Variants in RNF149 observed in about 807,000 individuals in gnomAD.
RNF149 encodes E3 ubiquitin-protein ligase RNF149.
Under a neutral mutation model 39.0 loss-of-function variants are expected in RNF149, and 21 were observed. That is an observed-to-expected ratio of 0.54 (90% CI 0.38 to 0.77). The LOEUF (loss-of-function observed/expected upper bound fraction) is 0.77. Among genes scored for constraint, RNF149 ranks in the 30% least tolerant of loss-of-function variants. The probability of loss-of-function intolerance (pLI) is 0.00; values close to 1 mark genes in which losing one functional copy is unlikely to be tolerated. For synonymous variants in RNF149, 209 were observed against 213.6 expected (o/e 0.98, Z 0.19); for missense variants, 493 against 534.9 (o/e 0.92, Z 0.77).
At chr2:101,293,958 A>G (rs770461628) in intron 3 of RNF149, 56 bp downstream of exon 3, 2 of 994,360 alleles carry the variant, frequency 2.0e-6, no homozygotes, top group Non-Finnish European at 3.1e-6. Context: ...ATAAACACGT[A>G]CAGCATATTC....
At chr2:101,292,322 C>G (rs533530602) in intron 3 of RNF149, among the ~76,000 whole-genome samples, 33 of 152,102 alleles carry the variant, frequency 2.2e-4, no homozygotes, top group Admixed American at 7.2e-4. Context: ...TTTTTTCAAC[C>G]ATTATTTTGA....
At position 101,295,018 on chromosome 2, in the gene RNF149, G is replaced by A. The variant is rs144357772; in HGVS notation, c.624C>T (p.Phe208=). The A allele has an allele frequency of 8.9e-5, 143 of 1,613,934 alleles. No individual in the cohort carries two copies. Among genetic ancestry groups the A allele is most frequent in the Non-Finnish European group, 1.2e-4 (139 of 1,179,942 alleles). ...GQSVVFVAIA[F]ITMMIISLAW... is the part of the protein sequence containing the mutation. ...CTAACGAGATAATCATCATGGTGAT[G>A]AAGGCAATGGCCACAAACACCACAG... Residue 208 remains phenylalanine, a synonymous_variant, in exon 2 of 7, where the codon TTC becomes TTT. Transcript: ENST00000295317.
chr2:101,287,901 A>G (rs540385118), intron 4 of RNF149, among the ~76,000 whole-genome samples: 2 of 152,372 alleles, frequency 1.3e-5, no homozygotes, highest in African/African-American at 2.4e-5. Flanking sequence ...GGTGTGAAGT[A>G]TAATTAAAAT....
At chr2:101,281,609 T>A in intron 6 of RNF149, 1 of 450,320 alleles carries the variant, frequency 2.2e-6, no homozygotes, top group Non-Finnish European at 4.1e-6. Context: ...CAAGCCACTC[T>A]CCTGCCTCAG....
chr2:101,295,220 A>G (rs1683176185), intron 1 of RNF149, 39 bp from the exon 2 acceptor site: 1 of 1,552,490 alleles, frequency 6.4e-7, no homozygotes, highest in Non-Finnish European at 8.9e-7. Flanking sequence ...GAAGAACACA[A>G]AATAAGATAC....
At chr2:101,277,847 C>CA (rs1156985651) in intron 6 of RNF149, among the ~76,000 whole-genome samples, 1 of 152,120 alleles carries the variant, frequency 6.6e-6, no homozygotes, top group Non-Finnish European at 1.5e-5. Flanking sequence ...TAAAGACAGT[C>CA]AGAGATGGCG....
chr2:101,271,982 T>C (rs532347334), downstream of RNF149, among the ~76,000 whole-genome samples: 16 of 152,336 alleles, frequency 1.1e-4, no homozygotes, highest in South Asian at 2.3e-3. Flanking sequence ...ACATGTCTCT[T>C]TTAAACAGTA....
intron 5 of RNF149, 77 bp downstream of exon 5, chr2:101,286,004 T>C (rs1244210278): frequency 2.4e-6 from 2 of 841,842 alleles, no homozygotes; most frequent in Non-Finnish European, 4.0e-6. Flanking sequence ...GTTCCTCTTG[T>C]TTCTAGTCAA....
intron 4 of RNF149, 83 bp from the exon 5 acceptor site, chr2:101,286,260 A>T: frequency 1.3e-6 from 1 of 750,648 alleles, no homozygotes; most frequent in South Asian, 1.7e-5. Flanking sequence ...GTACCAACTC[A>T]TCCTCTCATT....
chr2:101,277,200 C>A lies in RNF149; in HGVS notation c.*38G>T. 2 of 1,611,778 alleles carry A rather than the reference C, an allele frequency of 1.2e-6. No homozygotes were observed. The highest frequency in any genetic ancestry group is 2.2e-5 in the South Asian group (2 of 90,698). Reference sequence around the variant, plus strand: ...AAAATAAAATGTCCTTTAGTTCAAGCCAAACTTCTGTTGGTGCCACTTCAG... The same window carrying A: ...AAAATAAAATGTCCTTTAGTTCAAGACAAACTTCTGTTGGTGCCACTTCAG... On this transcript the variant is annotated 3_prime_UTR_variant, in exon 7 of 7. Coordinates refer to ENST00000295317, the MANE Select transcript of RNF149 (RefSeq NM_173647.4).
Position 101,282,952 on chromosome 2 carries a change from T to A in RNF149, c.961-895A>T, listed in dbSNP as rs139286818. Among the ~76,000 whole-genome samples, 952 of 151,212 alleles carry A rather than the reference T, an allele frequency of 6.3e-3. 4 individuals are homozygous for A. The highest frequency in any genetic ancestry group is 0.022 in the African/African-American group (907 of 41,322). On this transcript the variant is annotated intron_variant, in intron 5 of 6. Transcript: ENST00000295317. ...TCCTGACACACCAAGCAACAAATCCTGTGGCTGTGACATCACAATACCCAA... is the reference window on the plus strand; with the variant it reads ...TCCTGACACACCAAGCAACAAATCCAGTGGCTGTGACATCACAATACCCAA...
At chr2:101,288,521 G>C (rs562697718) in intron 4 of RNF149, among the ~76,000 whole-genome samples, 5 of 152,174 alleles carry the variant, frequency 3.3e-5, no homozygotes, top group Admixed American at 2.0e-4. Flanking sequence ...GCCCAGCCAG[G>C]AATATTGATT....
At chr2:101,283,195 T>C (rs1449300147) in intron 5 of RNF149, among the ~76,000 whole-genome samples, 2 of 152,174 alleles carry the variant, frequency 1.3e-5, no homozygotes, top group Non-Finnish European at 2.9e-5. Context: ...TGACCCCTCC[T>C]CTGTGCTCCT....
chr2:101,294,794 C>A lies in RNF149; in HGVS notation c.711+137G>T, dbSNP rs560047386. The A allele has an allele frequency of 1.8e-5, 14 of 759,894 alleles. No homozygotes were observed. In the East Asian group the frequency reaches 2.7e-4, roughly 15 times the overall value. The allele number at this position is 759,894 out of a possible 1,614,324, so 47.1% of individuals were successfully genotyped here. A position where few individuals can be genotyped will look rare whatever the true frequency, so the allele number is the denominator to read the frequency against. On this transcript the variant is annotated intron_variant, in intron 2 of 6. Transcript: ENST00000295317. The stretch of plus-strand genomic sequence containing the variant: ...ACATAGTCCAATTAAAAAGTTACTT[C>A]CAAAAAGTCATGTTGAATACTTAAA...
At chr2:101,306,425 TACCGTG>T (rs1410087303) in intron 1 of RNF149, among the ~76,000 whole-genome samples, 1 of 152,152 alleles carries the variant, frequency 6.6e-6, no homozygotes, top group African/African-American at 2.4e-5. Flanking sequence ...GCAGCCTGGG[TACCGTG>T]ACAATAGATT....
intron 2 of RNF149, chr2:101,294,632 G>A: frequency 3.5e-6 from 1 of 287,998 alleles, no homozygotes; most frequent in Non-Finnish European, 6.5e-6. Context: ...CTCCATGATG[G>A]AGACAGAGAG....
intron 1 of RNF149, among the ~76,000 whole-genome samples, chr2:101,297,551 G>GA (rs386390761): frequency 2.6e-5 from 4 of 151,248 alleles, no homozygotes; most frequent in Non-Finnish European, 5.9e-5. Context: ...TAGAGATGGG[G>GA]TCTCACTATG....
In RNF149 at chr2:101,282,067, T is replaced by C. The variant is rs764756538; in HGVS notation, c.961-10A>G. The C allele has an allele frequency of 6.2e-6, 10 of 1,613,456 alleles. No individual in the cohort carries two copies. The Admixed American group carries it at 1.7e-4, about 27-fold the overall frequency. The stretch of plus-strand genomic sequence containing the variant: ...CATCCCCAGGCTCTCCCTTGAGAAT[T>C]AGAACAGAAGAAAAAACATGATCAA... On this transcript the variant is annotated splice_polypyrimidine_tract_variant and intron_variant, in intron 5 of 6. Transcript: ENST00000295317.
In RNF149 at chr2:101,308,273, C is replaced by G; in HGVS notation, c.316G>C (p.Ala106Pro). ...GCCACCAGGGCGACCCAGGGCGCGG[C>G]CCCTCGGCCGCCGGGCTCGGGCACG... The part of the protein sequence containing the change: ...FFVPEPGGRG[A>P]APWVALVARG... Residue 106 changes from alanine to proline, a missense_variant, in exon 1 of 7, where the codon GCC (alanine) becomes CCC (proline). Ala to Pro is a conservative substitution (Grantham distance 27). Transcript: ENST00000295317. 6.3e-7 allele frequency: 1 copy of G among 1,578,650 alleles called. No homozygotes were observed. Among genetic ancestry groups the G allele is most frequent in the Non-Finnish European group, 8.6e-7 (1 of 1,164,626 alleles).
Sources: allele counts gnomAD v4.1 joint callset (sites outside exome capture counted in the v4.1 genomes callset), GRCh38; gene constraint gnomAD v4.1.1; transcripts MANE v1.5; gene names NCBI Gene and HGNC (gene_info 2026-07-23, HGNC 2026-07-21).